Variants in NAALADL2 observed in about 807,000 individuals in gnomAD.
The protein encoded by NAALADL2 is N-acetylated alpha-linked acidic dipeptidase like 2, also known as inactive N-acetylated-alpha-linked acidic dipeptidase-like protein 2.
In NAALADL2, 76 loss-of-function variants were observed where a neutral mutation model predicts 87.2. The observed-to-expected ratio is 0.87, with a 90% CI of 0.72 to 1.05. The LOEUF is 1.05. Ranked by LOEUF, NAALADL2 falls within the 50% of genes least tolerant of loss-of-function variation. The pLI is 0.00. For missense variants in NAALADL2, 1,089 were observed against 945.8 expected (o/e 1.15, Z -1.99); for synonymous variants, 354 against 331.0 (o/e 1.07, Z -0.75).
At position 175,023,169 on chromosome 3, in the gene NAALADL2, A is replaced by T. The variant is rs946007057; in HGVS notation, c.44-73621A>T. ...ACCACTCTGGACACTAGGGAGATGT[A>T]GAATACAAATATAGTCTCTCAATTC... On this transcript the variant is annotated intron_variant, in intron 1 of 13. Coordinates refer to ENST00000454872, the MANE Select transcript of NAALADL2 (RefSeq NM_207015.3). 3.3e-5 allele frequency among the ~76,000 whole-genome samples: 5 copies of T among 152,132 alleles called. No individual in the cohort carries two copies. The East Asian group carries it at 9.6e-4, about 29-fold the overall frequency.
chr3:174,453,823 C>T (rs528151017), intron 1 of NAALADL2, among the ~76,000 whole-genome samples: 3 of 152,084 alleles, frequency 2.0e-5, no homozygotes, highest in Non-Finnish European at 4.4e-5. Context: ...AGGACACAAA[C>T]CAACAACACT....
chr3:175,292,909 T>C lies in NAALADL2; in HGVS notation c.940-31266T>C, dbSNP rs569688674. On this transcript the variant is annotated intron_variant, in intron 4 of 13. Coordinates refer to ENST00000454872, the MANE Select transcript of NAALADL2 (RefSeq NM_207015.3). ...AAAATAAGCCGGGCTTGGTGGCAGG[T>C]GCCTGTAGTCCCAGCTACTCGGGAG... Among the ~76,000 whole-genome samples, 386 of 151,486 alleles carry C rather than the reference T, an allele frequency of 2.5e-3. 1 individual carries two copies. The highest frequency in any genetic ancestry group is 8.9e-3 in the African/African-American group (368 of 41,326).
chr3:174,818,091 C>CT (rs1476335007), intron 3 of NAALADL2, among the ~76,000 whole-genome samples: 1 of 152,128 alleles, frequency 6.6e-6, no homozygotes, highest in Non-Finnish European at 1.5e-5. Context: ...GGGTTGCAGG[C>CT]TGTTAAAAGG....
At chr3:174,866,879 T>C (rs2109578013) in intron 1 of NAALADL2, among the ~76,000 whole-genome samples, 1 of 151,966 alleles carries the variant, frequency 6.6e-6, no homozygotes, top group South Asian at 2.1e-4. Context: ...TTTAGCATCA[T>C]ATTTTATATT....
chr3:175,431,800 C>T (rs1174480110), intron 5 of NAALADL2, among the ~76,000 whole-genome samples: 1 of 151,974 alleles, frequency 6.6e-6, no homozygotes, highest in Non-Finnish European at 1.5e-5. Flanking sequence ...ACTCTTCTTT[C>T]CCTTCAGGCA....
intron 2 of NAALADL2, among the ~76,000 whole-genome samples, chr3:175,221,964 T>C (rs943553188): frequency 2.6e-5 from 4 of 151,918 alleles, no homozygotes; most frequent in African/African-American, 9.7e-5. Context: ...TGTATTTTAG[T>C]AGAGTTGGGG....
At chr3:175,638,078 G>C (rs1728788505) in intron 11 of NAALADL2, among the ~76,000 whole-genome samples, 1 of 152,132 alleles carries the variant, frequency 6.6e-6, no homozygotes, top group Admixed American at 6.5e-5. Flanking sequence ...CATGAAAAAA[G>C]TTTTGTAAAA....
intron 2 of NAALADL2, among the ~76,000 whole-genome samples, chr3:175,122,578 A>G (rs953585131): frequency 2.0e-5 from 3 of 151,744 alleles, no homozygotes; most frequent in Non-Finnish European, 4.4e-5. Flanking sequence ...GAATTCTTAG[A>G]ATTTATCATC....
At chr3:175,628,609 C>CTATGTATATATA (rs10663163) in intron 11 of NAALADL2, among the ~76,000 whole-genome samples, 3 of 132,250 alleles carry the variant, frequency 2.3e-5, no homozygotes, top group Non-Finnish European at 3.2e-5. Flanking sequence ...AATAATCTCT[C>CTATGTATATATA]TCTCTATGTA....
chr3:174,830,443 G>T (rs952311028), intron 3 of NAALADL2, among the ~76,000 whole-genome samples: 3 of 152,030 alleles, frequency 2.0e-5, no homozygotes, highest in Admixed American at 6.6e-5. Flanking sequence ...TGTTATTTCT[G>T]AGGGCTCTGT....
intron 1 of NAALADL2, among the ~76,000 whole-genome samples, chr3:174,876,371 CCA>C: frequency 6.6e-6 from 1 of 152,254 alleles, no homozygotes; most frequent in East Asian, 1.9e-4. Flanking sequence ...CCATGGCTAA[CCA>C]TCCTCTAGCT....
intron 2 of NAALADL2, among the ~76,000 whole-genome samples, chr3:175,191,232 T>C (rs573043991): frequency 8.5e-4 from 129 of 151,812 alleles, no homozygotes; most frequent in African/African-American, 3.0e-3. Context: ...TAATATCATG[T>C]TGCATACTTT....
intron 2 of NAALADL2, among the ~76,000 whole-genome samples, chr3:174,696,507 C>A (rs1293346765): frequency 6.7e-6 from 1 of 148,526 alleles, no homozygotes; most frequent in African/African-American, 2.5e-5. Context: ...ACTGATACTG[C>A]TATCATTTAT....
chr3:175,270,370 G>T (rs1047273274), intron 4 of NAALADL2, among the ~76,000 whole-genome samples: 2 of 152,144 alleles, frequency 1.3e-5, no homozygotes, highest in Non-Finnish European at 2.9e-5. Flanking sequence ...CAACTAGTAG[G>T]TTGGATATGG....
chr3:174,835,805 A>G (rs1723267405), intron 3 of NAALADL2, among the ~76,000 whole-genome samples: 1 of 152,196 alleles, frequency 6.6e-6, no homozygotes, highest in Non-Finnish European at 1.5e-5. Context: ...ACCACGAGGT[A>G]TTATTCATAC....
chr3:175,378,527 C>A (rs768708464), intron 5 of NAALADL2, among the ~76,000 whole-genome samples: 1 of 152,226 alleles, frequency 6.6e-6, no homozygotes, highest in Non-Finnish European at 1.5e-5. Context: ...GAGTCTCACT[C>A]AGTGCATGCA....
chr3:174,696,232 T>C (rs1335523864), intron 2 of NAALADL2, among the ~76,000 whole-genome samples: 2 of 152,042 alleles, frequency 1.3e-5, no homozygotes, highest in African/African-American at 4.8e-5. Flanking sequence ...ATTAATATTA[T>C]AAAGTAGACA....
chr3:175,521,500 A>G (rs1732655016), intron 9 of NAALADL2, among the ~76,000 whole-genome samples: 1 of 152,130 alleles, frequency 6.6e-6, no homozygotes, highest in Non-Finnish European at 1.5e-5. Context: ...TGTGTTCCCC[A>G]GAGAGATATG....
chr3:175,405,899 C>A (rs780298772), intron 5 of NAALADL2, among the ~76,000 whole-genome samples: 1 of 152,064 alleles, frequency 6.6e-6, no homozygotes, highest in Non-Finnish European at 1.5e-5. Flanking sequence ...ATTCTTGATT[C>A]TAGAGATTAC....
Sources: gnomAD v4.1 joint callset for allele counts (sites outside exome capture counted in the v4.1 genomes callset) on GRCh38, gnomAD v4.1.1 for gene constraint, MANE v1.5 for transcripts, NCBI Gene and HGNC (gene_info 2026-07-23, HGNC 2026-07-21) for gene names.